EP300: variants seen among roughly 807,000 people sequenced by gnomAD.
EP300 encodes histone acetyltransferase p300.
Under a neutral mutation model 264.0 loss-of-function variants are expected in EP300, and 31 were observed. That is an observed-to-expected ratio of 0.12 (90% CI 0.09 to 0.16). The LOEUF is 0.16. EP300 is among the 10% of genes least tolerant of loss of function. The pLI, the probability that EP300 is intolerant of heterozygous loss-of-function variation, is 1.00. For synonymous variants in EP300, 1,340 were observed against 1,045.4 expected (o/e 1.28, Z -5.44); for missense variants, 2,766 against 3,052.9 (o/e 0.91, Z 2.21).
intron 22 of EP300, 116 bp downstream of exon 22, chr22:41,164,246 T>C: frequency 9.6e-7 from 1 of 1,038,012 alleles, no homozygotes. Context: ...CTTTAAATTG[T>C]TTTCTTTGGG....
At chr22:41,171,888 C>T (rs979143822) in intron 27 of EP300, among the ~76,000 whole-genome samples, 2 of 152,118 alleles carry the variant, frequency 1.3e-5, no homozygotes, top group African/African-American at 4.8e-5. Flanking sequence ...GCTGGGATTA[C>T]AGGTGTGAGT....
At chr22:41,154,508 G>A (rs1431458706) in intron 16 of EP300, among the ~76,000 whole-genome samples, 2 of 149,122 alleles carry the variant, frequency 1.3e-5, no homozygotes, top group African/African-American at 4.9e-5. Flanking sequence ...CAAGCCTCCT[G>A]AGTAGCTGAG....
At chr22:41,126,739 T>TC in intron 3 of EP300, among the ~76,000 whole-genome samples, 1 of 118,004 alleles carries the variant, frequency 8.5e-6, no homozygotes, top group Non-Finnish European at 1.7e-5. Flanking sequence ...CTTTTTTTTT[T>TC]TTTTTTTTTT....
intron 1 of EP300, among the ~76,000 whole-genome samples, chr22:41,094,013 T>G (rs2058688856): frequency 6.6e-6 from 1 of 152,226 alleles, no homozygotes. Context: ...GAGATCAAGA[T>G]TTTCGTTTAA....
chr22:41,126,146 A>G (rs1002127963), intron 3 of EP300, 106 bp downstream of exon 3: 6 of 1,165,328 alleles, frequency 5.1e-6, no homozygotes, highest in South Asian at 5.1e-5. Context: ...TGTACCCACT[A>G]GGAGCCTAAA....
intron 1 of EP300, among the ~76,000 whole-genome samples, chr22:41,112,497 C>G (rs2058798221): frequency 6.6e-6 from 1 of 152,164 alleles, no homozygotes; most frequent in Non-Finnish European, 1.5e-5. Context: ...CTGTGCCTGG[C>G]CAAGATGAAT....
At chr22:41,134,003 C>G (rs777405019) in intron 6 of EP300, among the ~76,000 whole-genome samples, 10 of 152,108 alleles carry the variant, frequency 6.6e-5, no homozygotes, top group Admixed American at 3.3e-4. Flanking sequence ...TTCTTGTATT[C>G]AAGTTTGTAA....
intron 2 of EP300, among the ~76,000 whole-genome samples, chr22:41,121,353 T>C (rs2145701928): frequency 6.6e-6 from 1 of 152,278 alleles, no homozygotes; most frequent in South Asian, 2.1e-4. Context: ...TAGCAGAAAT[T>C]AAGTACAAAA....
chr22:41,129,474 G>A lies in EP300; in HGVS notation c.1169-416G>A, dbSNP rs997780726. On this transcript the variant is annotated intron_variant, in intron 4 of 30. Transcript: ENST00000263253. ...GGTTTGCTAACTGTCATGTAGGCAA[G>A]TGTTCAATTTAATACAATTTACTGC... 3.3e-5 allele frequency among the ~76,000 whole-genome samples: 5 copies of A among 152,194 alleles called. No individual in the cohort carries two copies. In the East Asian group the frequency reaches 9.6e-4, roughly 29 times the overall value.
intron 1 of EP300, among the ~76,000 whole-genome samples, chr22:41,115,700 C>T (rs185885509): frequency 3.9e-5 from 6 of 152,260 alleles, no homozygotes; most frequent in Non-Finnish European, 8.8e-5. Flanking sequence ...GTGTGAGCTA[C>T]CAGGGCTGGT....
intron 5 of EP300, 146 bp downstream of exon 5, chr22:41,130,149 C>T (rs2058909416): frequency 6.0e-6 from 4 of 665,498 alleles, no homozygotes. Context: ...TTTTCTGCTT[C>T]CCTAGTGCAT....
chr22:41,148,870 T>G, intron 12 of EP300, 168 bp from the exon 13 acceptor site: 1 of 792,656 alleles, frequency 1.3e-6, no homozygotes, highest in Non-Finnish European at 2.0e-6. Flanking sequence ...AAGAGTCAGT[T>G]GTTCTACAAC....
intron 1 of EP300, among the ~76,000 whole-genome samples, chr22:41,116,091 C>T (rs1256068868): frequency 2.6e-5 from 4 of 152,188 alleles, no homozygotes; most frequent in South Asian, 2.1e-4. Flanking sequence ...TTTCTTTTTT[C>T]CATGACTGTG....
chr22:41,112,012 C>T (rs571429818), intron 1 of EP300, among the ~76,000 whole-genome samples: 6 of 150,198 alleles, frequency 4.0e-5, no homozygotes, highest in East Asian at 4.0e-4. Context: ...CTCAGCCTCC[C>T]GAGTAGCTGG....
At chr22:41,093,218 T>A in intron 1 of EP300, 120 bp downstream of exon 1, 1 of 1,037,870 alleles carries the variant, frequency 9.6e-7, no homozygotes, top group Non-Finnish European at 1.4e-6. Context: ...TAATTAATTT[T>A]AAAGGTATTT....
chr22:41,166,659 T>C lies in EP300; in HGVS notation c.3867T>C (p.Ser1289=). ...GAACTAGGAAAGAAAATAAGTTTTC[T>C]GCTAAAAGTAAGTTTTATTCTTAAA... is the stretch of plus-strand genomic sequence containing the variant. ...SARTRKENKF[S]AKRLPSTRLG... is the part of the protein sequence containing the mutation. Residue 1289 remains serine, a synonymous_variant, in exon 23 of 31, where the codon TCT becomes TCC. Coordinates refer to ENST00000263253, the MANE Select transcript of EP300 (RefSeq NM_001429.4). 1 of 1,611,068 alleles carries C rather than the reference T, an allele frequency of 6.2e-7. No homozygotes were observed. Among genetic ancestry groups the C allele is most frequent in the Non-Finnish European group, 8.5e-7 (1 of 1,178,360 alleles).
At chr22:41,116,536 A>G (rs751805528) in intron 1 of EP300, among the ~76,000 whole-genome samples, 29 of 152,288 alleles carry the variant, frequency 1.9e-4, no homozygotes, top group Non-Finnish European at 3.8e-4. Flanking sequence ...AAAGGACATG[A>G]ACTCATCCTT....
In EP300 at chr22:41,169,374, A is replaced by T. The variant is rs1408241212; in HGVS notation, c.4173-129A>T. ...CGGAGTCGCCTACCTGCCTGTGATG[A>T]GCTTCACAAATAACGATGTGAGCAA... On this transcript the variant is annotated intron_variant, in intron 25 of 30. Coordinates refer to ENST00000263253, the MANE Select transcript of EP300 (RefSeq NM_001429.4). 3 of 710,774 alleles carry T rather than the reference A, an allele frequency of 4.2e-6. No homozygotes were observed. In the East Asian group the frequency reaches 7.9e-5, roughly 19 times the overall value. The allele number at this position is 710,774 out of a possible 1,614,324, so 44.0% of individuals were successfully genotyped here.
chr22:41,163,878 A>G (rs1020043088), intron 21 of EP300, among the ~76,000 whole-genome samples, 175 bp from the exon 22 acceptor site: 2 of 152,160 alleles, frequency 1.3e-5, no homozygotes, highest in Non-Finnish European at 2.9e-5. Context: ...CATGCCACCC[A>G]CTCCAGCCTG....
Sources: gnomAD v4.1 joint callset for allele counts (sites outside exome capture counted in the v4.1 genomes callset) on GRCh38, gnomAD v4.1.1 for gene constraint, MANE v1.5 for transcripts, NCBI Gene and HGNC (gene_info 2026-07-23, HGNC 2026-07-21) for gene names.